The following FOXN3 variants were observed in gnomAD, a reference collection of about 807,000 sequenced individuals.
FOXN3 encodes forkhead box N3.
FOXN3 carries 7 observed loss-of-function variants against 38.4 expected under a neutral mutation model. The ratio of observed to expected loss-of-function variants is 0.18; its 90% CI spans 0.10 to 0.34. FOXN3 has a LOEUF of 0.34. FOXN3 is among the 10% of genes least tolerant of loss of function. FOXN3 has a pLI of 1.00. For synonymous variants in FOXN3, 230 were observed against 242.2 expected (o/e 0.95, Z 0.47); for missense variants, 456 against 613.4 (o/e 0.74, Z 2.71).
At chr14:89,466,109 C>T (rs1211704646) in intron 1 of FOXN3, among the ~76,000 whole-genome samples, 1 of 152,202 alleles carries the variant, frequency 6.6e-6, no homozygotes, top group Admixed American at 6.5e-5. Flanking sequence ...GCTGCCCCTC[C>T]AGGAACTTCC....
chr14:89,603,122 A>G (rs893402056), intron 1 of FOXN3, among the ~76,000 whole-genome samples: 6 of 150,518 alleles, frequency 4.0e-5, no homozygotes, highest in African/African-American at 7.3e-5. Flanking sequence ...ATGGAAAGGG[A>G]AAAAAAAACA....
chr14:89,605,879 CT>C lies in FOXN3; in HGVS notation c.-15+13148del, dbSNP rs569228791. Among the ~76,000 whole-genome samples the C allele has an allele frequency of 2.0e-4, 30 of 152,152 alleles. No individual in the cohort carries two copies. In the South Asian group the frequency reaches 3.5e-3, roughly 18 times the overall value. ...CTTGTAATACCAGCACTTTGAGAGA[CT>C]AACGCAGGAGGATTCCTTGAGCCCA... On this transcript the variant is annotated intron_variant, in intron 1 of 6. Coordinates refer to the FOXN3 transcript ENST00000345097.
intron 1 of FOXN3, among the ~76,000 whole-genome samples, chr14:89,586,150 C>G (rs1895837794): frequency 6.6e-6 from 1 of 151,970 alleles, no homozygotes; most frequent in Non-Finnish European, 1.5e-5. Context: ...TACCCAGCAC[C>G]AATGCCTGGC....
At position 89,161,387 on chromosome 14, in the gene FOXN3, T is replaced by G. The variant is rs1887094471; in HGVS notation, c.*1027A>C. On this transcript the variant is annotated 3_prime_UTR_variant, in exon 6 of 6. Coordinates refer to ENST00000557258, the MANE Select transcript of FOXN3 (RefSeq NM_005197.4). ...TGGCAGGTTCCGTAGCTTTCTAGTT[T>G]TTTTTTTTTTTTCACTTGGATCAAA... 1 of 151,676 alleles carries G rather than the reference T, an allele frequency of 6.6e-6. No homozygotes were observed. The highest frequency in any genetic ancestry group is 1.5e-5 in the Non-Finnish European group (1 of 67,834). 9.4% of individuals were successfully genotyped at this position (151,676 alleles called of 1,614,324 possible).
intron 4 of FOXN3, among the ~76,000 whole-genome samples, chr14:89,239,614 C>T (rs1052347142): frequency 6.6e-6 from 1 of 152,148 alleles, no homozygotes; most frequent in Non-Finnish European, 1.5e-5. Context: ...TCCTTTGGAG[C>T]GGGTTCCTGA....
chr14:89,304,155 T>G (rs1026018736), intron 3 of FOXN3, among the ~76,000 whole-genome samples: 1 of 152,168 alleles, frequency 6.6e-6, no homozygotes, highest in Admixed American at 6.5e-5. Flanking sequence ...TGGTTCAACT[T>G]TAAAAGAGAG....
Position 89,307,700 on chromosome 14 carries a change from T to G in FOXN3, c.681-26686A>C, listed in dbSNP as rs1328854692. 2.0e-5 allele frequency among the ~76,000 whole-genome samples: 3 copies of G among 152,048 alleles called. No individual in the cohort carries two copies. In the East Asian group the frequency reaches 5.8e-4, roughly 29 times the overall value. ...TCTTGGGAGACACGTGTTTGCATCC[T>G]ATTACAACCCATAGTTTTTGCATAA... On this transcript the variant is annotated intron_variant, in intron 3 of 5. Transcript: ENST00000557258.
At chr14:89,557,036 G>A (rs1895143192) in intron 1 of FOXN3, among the ~76,000 whole-genome samples, 2 of 152,200 alleles carry the variant, frequency 1.3e-5, no homozygotes. Flanking sequence ...CAGTAGTTTA[G>A]TTATCGAAGC....
chr14:89,349,318 A>G (rs968058142), intron 3 of FOXN3, among the ~76,000 whole-genome samples: 2 of 152,204 alleles, frequency 1.3e-5, no homozygotes, highest in African/African-American at 2.4e-5. Flanking sequence ...TCCTACAGCT[A>G]TATGACCTCA....
intron 1 of FOXN3, among the ~76,000 whole-genome samples, chr14:89,485,626 G>A (rs1382806377): frequency 6.6e-6 from 1 of 152,166 alleles, no homozygotes; most frequent in South Asian, 2.1e-4. Flanking sequence ...CAGTGGCCAA[G>A]CCAGGGTGGG....
intron 1 of FOXN3, among the ~76,000 whole-genome samples, chr14:89,427,520 T>C (rs1892066348): frequency 6.8e-6 from 1 of 147,840 alleles, no homozygotes; most frequent in Non-Finnish European, 1.5e-5. Context: ...GGTTTCACCA[T>C]CTTGGCCAGG....
intron 5 of FOXN3, among the ~76,000 whole-genome samples, chr14:89,175,356 T>G (rs774579096): frequency 1.5e-4 from 23 of 152,176 alleles, no homozygotes; most frequent in Non-Finnish European, 3.1e-4. Context: ...TCAAAGCCAA[T>G]GGCTTTGCCA....
rs138619458 is a variant in FOXN3 at position 89,278,924 on chromosome 14, C to T, written c.745+2026G>A. On this transcript the variant is annotated intron_variant, in intron 4 of 5. Coordinates refer to ENST00000557258, the MANE Select transcript of FOXN3 (RefSeq NM_005197.4). ...CTGGACAGTCCCTTCTTTAGGTACT[C>T]ATATCTTTATTCGTAAAATCTTGCT... 6.3e-3 allele frequency among the ~76,000 whole-genome samples: 963 copies of T among 152,226 alleles called. 7 individuals are homozygous for T. Among genetic ancestry groups the T allele is most frequent in the African/African-American group, 0.022 (902 of 41,536 alleles).
At chr14:89,602,163 C>G (rs899420771) in intron 1 of FOXN3, among the ~76,000 whole-genome samples, 1 of 151,978 alleles carries the variant, frequency 6.6e-6, no homozygotes, top group African/African-American at 2.4e-5. Context: ...GTGGTGCACA[C>G]CTGTGGTCCC....
intron 1 of FOXN3, among the ~76,000 whole-genome samples, chr14:89,568,169 C>T (rs1285779920): frequency 6.6e-6 from 1 of 152,116 alleles, no homozygotes; most frequent in Non-Finnish European, 1.5e-5. Context: ...TTGTTTCCCT[C>T]CCCGCTTCCA....
rs1284024500 is a variant in FOXN3, at chr14:89,484,038, G to A, written c.-14-71548C>T. ...TTAGGTTAATCCAAGAAGTCTGGAT[G>A]CTTCATCTTACAGACAACCCTAAGA... On this transcript the variant is annotated intron_variant, in intron 1 of 6. Coordinates refer to the FOXN3 transcript ENST00000345097. This position sits in a 1 kb window ranked among gnomAD's most constrained non-coding sequence, Gnocchi z 4.0. Among the ~76,000 whole-genome samples, 5 of 152,206 alleles carry A rather than the reference G, an allele frequency of 3.3e-5. No homozygotes were observed. The highest frequency in any genetic ancestry group is 2.9e-5 in the Non-Finnish European group (2 of 68,036).
intron 1 of FOXN3, among the ~76,000 whole-genome samples, chr14:89,554,242 C>T (rs561975282): frequency 2.6e-5 from 4 of 152,050 alleles, no homozygotes; most frequent in Non-Finnish European, 4.4e-5. Flanking sequence ...CCTCGTGATC[C>T]GCCTTCCTCG....
chr14:89,298,717 T>G (rs76892106), intron 3 of FOXN3, among the ~76,000 whole-genome samples: 2,161 of 152,282 alleles, frequency 0.014, 47 homozygotes, highest in African/African-American at 0.05. Context: ...TGTTTTTACA[T>G]TGCTATGAGG....
chr14:89,557,757 G>A (rs1357110206), intron 1 of FOXN3, among the ~76,000 whole-genome samples: 1 of 152,200 alleles, frequency 6.6e-6, no homozygotes, highest in Non-Finnish European at 1.5e-5. Context: ...TGTAATCCCA[G>A]CACTTCAGGA....
Sources: gnomAD v4.1 joint callset for allele counts (sites outside exome capture counted in the v4.1 genomes callset) on GRCh38, gnomAD v4.1.1 for gene constraint, Gnocchi (gnomAD v3.1) non-coding constraint, MANE v1.5 for transcripts, NCBI Gene and HGNC (gene_info 2026-07-23, HGNC 2026-07-21) for gene names.